SGK3: variants seen among roughly 807,000 people sequenced by gnomAD.
The protein encoded by SGK3 is serum/glucocorticoid regulated kinase family member 3.
In SGK3, 47 loss-of-function variants were observed where a neutral mutation model predicts 68.5. That is an observed-to-expected ratio of 0.69 (90% CI 0.54 to 0.87). The LOEUF is 0.87. Ranked by LOEUF, SGK3 falls within the 40% of genes least tolerant of loss-of-function variation. The pLI is 0.00. For synonymous variants in SGK3, 181 were observed against 189.1 expected (o/e 0.96, Z 0.35); for missense variants, 479 against 575.5 (o/e 0.83, Z 1.72).
chr8:66,750,201 T>C (rs1805772575), intron 1 of SGK3, among the ~76,000 whole-genome samples: 1 of 152,084 alleles, frequency 6.6e-6, no homozygotes, highest in African/African-American at 2.4e-5. Flanking sequence ...GCGATTAGTG[T>C]TTATTGCCAA....
intron 1 of SGK3, among the ~76,000 whole-genome samples, chr8:66,718,365 T>C (rs1443475587): frequency 6.6e-6 from 1 of 151,778 alleles, no homozygotes; most frequent in Non-Finnish European, 1.5e-5. Flanking sequence ...AGAGGTTAAC[T>C]TAAAAAGATT....
chr8:66,772,541 C>T (rs1024765493), intron 1 of SGK3, among the ~76,000 whole-genome samples: 32 of 150,654 alleles, frequency 2.1e-4, no homozygotes, highest in African/African-American at 7.1e-4. Context: ...ACTACAGGCG[C>T]GCACCACTAC....
intron 8 of SGK3, 25 bp downstream of exon 8, chr8:66,831,336 A>ATTTGGT (rs1554604293): frequency 4.3e-6 from 7 of 1,611,044 alleles, no homozygotes; most frequent in Middle Eastern, 1.7e-4. Flanking sequence ...TGAGGTTTTT[A>ATTTGGT]TTTGGTTTTG....
At chr8:66,753,804 A>G (rs907033716) in intron 1 of SGK3, among the ~76,000 whole-genome samples, 12 of 152,174 alleles carry the variant, frequency 7.9e-5, no homozygotes, top group Non-Finnish European at 1.5e-4. Flanking sequence ...GGGCAGCAAG[A>G]GCGAAACTCC....
intron 1 of SGK3, among the ~76,000 whole-genome samples, chr8:66,740,906 CAAA>C (rs899256897): frequency 2.3e-5 from 1 of 42,714 alleles, no homozygotes; most frequent in Non-Finnish European, 4.8e-5. Context: ...GACTCTGTCT[CAAA>C]AAAAAAAAAA....
At chr8:66,804,850 A>G (rs1386907054) in intron 4 of SGK3, among the ~76,000 whole-genome samples, 1 of 152,194 alleles carries the variant, frequency 6.6e-6, no homozygotes, top group Non-Finnish European at 1.5e-5. Context: ...ACACTTTGGG[A>G]GGCCAAGGCA....
At chr8:66,780,020 A>G (rs963678935) in intron 1 of SGK3, among the ~76,000 whole-genome samples, 2 of 152,148 alleles carry the variant, frequency 1.3e-5, no homozygotes, top group African/African-American at 4.8e-5. Context: ...AGATAGAATC[A>G]TTCATAAAAA....
chr8:66,782,134 T>C (rs1043338881), intron 1 of SGK3, among the ~76,000 whole-genome samples: 1 of 152,226 alleles, frequency 6.6e-6, no homozygotes, highest in Admixed American at 6.5e-5. Flanking sequence ...TATATACTCT[T>C]ACAGTAGACT....
In SGK3 at chr8:66,828,680, C is replaced by G; in HGVS notation, c.444C>G (p.Asn148Lys). 1 of 1,613,928 alleles carries G rather than the reference C, an allele frequency of 6.2e-7. No individual in the cohort carries two copies. The highest frequency in any genetic ancestry group is 2.2e-5 in the East Asian group (1 of 44,866). The stretch of plus-strand genomic sequence containing the variant: ...TACACTCTACCTCACAGAACATCAA[C>G]CTGGGACCGTCTGGAAATCCTCAGT... ...QKLHSTSQNINLGPSGNPHAK... is the reference protein window; with the variant it reads ...QKLHSTSQNIKLGPSGNPHAK... Residue 148 changes from asparagine to lysine, a missense_variant, in exon 7 of 17, where the codon AAC becomes AAG. By Grantham distance (94) the Asn-to-Lys change is moderately conservative. Coordinates refer to ENST00000521198, the MANE Select transcript of SGK3 (RefSeq NM_001033578.3).
intron 1 of SGK3, among the ~76,000 whole-genome samples, chr8:66,717,669 A>C (rs1804676566): frequency 6.6e-6 from 1 of 152,128 alleles, no homozygotes; most frequent in Non-Finnish European, 1.5e-5. Flanking sequence ...AATGAGAAGG[A>C]ACTTTACTAT....
intron 14 of SGK3, 81 bp downstream of exon 14, chr8:66,843,628 C>G (rs951320632): frequency 7.2e-7 from 1 of 1,393,214 alleles, no homozygotes; most frequent in Non-Finnish European, 1.0e-6. Context: ...TTAAGAATCT[C>G]ATGGACACTT....
intron 1 of SGK3, among the ~76,000 whole-genome samples, chr8:66,774,432 G>A (rs13257882): frequency 6.6e-6 from 1 of 152,052 alleles, no homozygotes; most frequent in Non-Finnish European, 1.5e-5. Context: ...GGAGTAGCTG[G>A]GACTGTAGGA....
intron 13 of SGK3, among the ~76,000 whole-genome samples, chr8:66,843,210 T>C (rs541805089): frequency 1.7e-4 from 26 of 152,320 alleles, no homozygotes; most frequent in African/African-American, 6.3e-4. Context: ...GATACTCTTA[T>C]TTATTTTAAC....
intron 14 of SGK3, 127 bp from the exon 15 acceptor site, chr8:66,847,066 G>T: frequency 7.5e-7 from 1 of 1,337,414 alleles, no homozygotes. Context: ...CACTGCAGGT[G>T]TCTACACGTC....
intron 8 of SGK3, among the ~76,000 whole-genome samples, chr8:66,834,998 G>A (rs1047717658): frequency 6.6e-6 from 1 of 151,914 alleles, no homozygotes; most frequent in East Asian, 1.9e-4. Flanking sequence ...GGCTGGGTGC[G>A]GTGGCTTACG....
intron 1 of SGK3, among the ~76,000 whole-genome samples, chr8:66,792,656 A>T (rs1195080617): frequency 6.6e-6 from 1 of 152,020 alleles, no homozygotes; most frequent in Non-Finnish European, 1.5e-5. Flanking sequence ...AGTTGGGAGG[A>T]ATGCTTGAGC....
chr8:66,715,464 G>C (rs980623804), intron 1 of SGK3, among the ~76,000 whole-genome samples: 3 of 152,054 alleles, frequency 2.0e-5, no homozygotes, highest in African/African-American at 7.2e-5. Context: ...CACCATGTTG[G>C]CCAGGCTATT....
chr8:66,828,967 G>T lies in SGK3; in HGVS notation c.467+264G>T, dbSNP rs1367571. ...CACTTTTCTGGGTGGGTGGGTGGGGGGTGTGTGTGTGTGTGTGTGTGTGTG... is the reference window on the plus strand; with the variant it reads ...CACTTTTCTGGGTGGGTGGGTGGGGTGTGTGTGTGTGTGTGTGTGTGTGTG... On this transcript the variant is annotated intron_variant, in intron 7 of 16. Transcript: ENST00000521198. 0.076 allele frequency among the ~76,000 whole-genome samples: 9,034 copies of T among 119,494 alleles called. 207 individuals carry two copies. The highest frequency in any genetic ancestry group is 0.1 in the South Asian group (358 of 3,468). 78.4% of individuals were successfully genotyped at this position (119,494 alleles called of 152,430 possible).
intron 1 of SGK3, among the ~76,000 whole-genome samples, chr8:66,723,789 T>C (rs747206004): frequency 1.3e-4 from 20 of 152,222 alleles, no homozygotes; most frequent in Non-Finnish European, 1.9e-4. Context: ...TAATTCTACA[T>C]GTCTGTAGTT....
Sources: allele counts gnomAD v4.1 joint callset (sites outside exome capture counted in the v4.1 genomes callset), GRCh38; gene constraint gnomAD v4.1.1; transcripts MANE v1.5; gene names NCBI Gene and HGNC (gene_info 2026-07-23, HGNC 2026-07-21).